Variants in NAV3 observed in about 807,000 individuals in gnomAD.
NAV3 encodes neuron navigator 3.
NAV3 carries 87 observed loss-of-function variants against 244.7 expected under a neutral mutation model. The ratio of observed to expected loss-of-function variants is 0.36; its 90% CI spans 0.30 to 0.42. The LOEUF is 0.42. Among genes scored for constraint, NAV3 ranks in the 20% least tolerant of loss-of-function variants. The probability of loss-of-function intolerance (pLI) is 1.00; values close to 1 mark genes in which losing one functional copy is unlikely to be tolerated. For synonymous variants in NAV3, 1,126 were observed against 1,042.2 expected (o/e 1.08, Z -1.55); for missense variants, 2,663 against 2,893.3 (o/e 0.92, Z 1.83).
chr12:77,990,169 C>T (rs1000332886), intron 5 of NAV3, among the ~76,000 whole-genome samples: 2 of 99,362 alleles, frequency 2.0e-5, no homozygotes, highest in Non-Finnish European at 4.0e-5. Context: ...ACAAGAATTG[C>T]CTAGGGAGAA....
At chr12:78,139,647 A>G (rs1956522369) in intron 19 of NAV3, among the ~76,000 whole-genome samples, 2 of 152,128 alleles carry the variant, frequency 1.3e-5, no homozygotes, top group African/African-American at 4.8e-5. Flanking sequence ...AGAATGTCCA[A>G]TGTTTACAGT....
chr12:77,750,864 T>C (rs1290198548), intron 2 of NAV3, among the ~76,000 whole-genome samples: 1 of 152,218 alleles, frequency 6.6e-6, no homozygotes, highest in Admixed American at 6.5e-5. Flanking sequence ...GATAATCAAT[T>C]TTCAAAGTTT....
chr12:77,936,709 C>A (rs1169980074), intron 1 of NAV3, among the ~76,000 whole-genome samples: 1 of 152,030 alleles, frequency 6.6e-6, no homozygotes, highest in African/African-American at 2.4e-5. Context: ...GAGTTCAAAT[C>A]CAATTTCAGG....
At chr12:77,728,853 C>T (rs912386293) in intron 2 of NAV3, among the ~76,000 whole-genome samples, 2 of 24,872 alleles carry the variant, frequency 8.0e-5, no homozygotes, top group Non-Finnish European at 1.3e-4. Flanking sequence ...TCCCCTTCTA[C>T]CCGCTTCACT....
chr12:77,767,005 T>G (rs1469245616), intron 2 of NAV3, among the ~76,000 whole-genome samples: 1 of 152,048 alleles, frequency 6.6e-6, no homozygotes, highest in Non-Finnish European at 1.5e-5. Flanking sequence ...CAGCCCGCCT[T>G]GGCCTCCCAG....
intron 2 of NAV3, among the ~76,000 whole-genome samples, chr12:77,747,585 C>T (rs1018540369): frequency 7.2e-5 from 11 of 152,138 alleles, no homozygotes; most frequent in African/African-American, 2.2e-4. Flanking sequence ...CATGCACATG[C>T]ATGTTTATTG....
chr12:77,577,124 A>C (rs1022982144), intron 2 of NAV3, among the ~76,000 whole-genome samples: 20 of 152,110 alleles, frequency 1.3e-4, no homozygotes, highest in African/African-American at 4.6e-4. Context: ...CATGAACATC[A>C]AGTTCCCAAA....
At chr12:77,676,083 T>A (rs1022560981) in intron 2 of NAV3, among the ~76,000 whole-genome samples, 3 of 152,120 alleles carry the variant, frequency 2.0e-5, no homozygotes, top group African/African-American at 2.4e-5. Context: ...GCTTTTTTTT[T>A]TAAATTTTTT....
chr12:77,682,004 G>A (rs1042034802), intron 2 of NAV3, among the ~76,000 whole-genome samples: 5 of 152,062 alleles, frequency 3.3e-5, no homozygotes, highest in Admixed American at 3.3e-4. Flanking sequence ...CTTAAAATCT[G>A]CTCTGGTAGC....
intron 1 of NAV3, among the ~76,000 whole-genome samples, chr12:77,915,570 T>A (rs1033693572): frequency 4.1e-5 from 6 of 147,768 alleles, no homozygotes; most frequent in Non-Finnish European, 7.6e-5. Context: ...TTAATCTAGA[T>A]AGTATATTAT....
Position 78,205,266 on chromosome 12 carries a change from T to C in NAV3, c.7038+128T>C, listed in dbSNP as rs1960172940. On this transcript the variant is annotated intron_variant, in intron 39 of 39. Coordinates refer to ENST00000397909, the MANE Select transcript of NAV3 (RefSeq NM_001024383.2). Reference sequence around the variant, plus strand: ...ATTTGGAACAGTTTTAACCCTATTATCTTTGGCCTGCTTTCCATGGATGAA... The same window carrying C: ...ATTTGGAACAGTTTTAACCCTATTACCTTTGGCCTGCTTTCCATGGATGAA... The C allele has an allele frequency of 1.3e-5, 13 of 972,890 alleles. No individual in the cohort carries two copies. The South Asian group carries it at 2.0e-4, about 15-fold the overall frequency. The allele number at this position is 972,890 out of a possible 1,614,324, so 60.3% of individuals were successfully genotyped here. A position where few individuals can be genotyped will look rare whatever the true frequency, so the allele number is the denominator to read the frequency against.
intron 1 of NAV3, among the ~76,000 whole-genome samples, chr12:77,901,063 T>A (rs373209622): frequency 6.6e-6 from 1 of 152,348 alleles, no homozygotes; most frequent in East Asian, 1.9e-4. Flanking sequence ...CTTTGCCAAC[T>A]TTTTAATGAG....
At chr12:78,076,194 C>T (rs1477382873) in intron 12 of NAV3, among the ~76,000 whole-genome samples, 3 of 152,156 alleles carry the variant, frequency 2.0e-5, no homozygotes, top group Non-Finnish European at 4.4e-5. Flanking sequence ...TGTCCACCAC[C>T]ATCCTAAAAC....
At chr12:77,895,513 G>T (rs948394895) in intron 1 of NAV3, among the ~76,000 whole-genome samples, 5 of 151,990 alleles carry the variant, frequency 3.3e-5, no homozygotes, top group South Asian at 2.1e-4. Context: ...TAAGTGTGAT[G>T]ATTAGAACCT....
intron 1 of NAV3, among the ~76,000 whole-genome samples, chr12:77,904,258 T>A (rs572695949): frequency 1.3e-5 from 2 of 152,282 alleles, no homozygotes; most frequent in South Asian, 2.1e-4. Flanking sequence ...TGTCCAACAA[T>A]GATAGACTGG....
At chr12:78,132,156 A>T (rs964557837) in intron 18 of NAV3, among the ~76,000 whole-genome samples, 1 of 152,170 alleles carries the variant, frequency 6.6e-6, no homozygotes, top group African/African-American at 2.4e-5. Flanking sequence ...TAAAAAATGA[A>T]TGGTTCTGTA....
chr12:77,827,275 T>C (rs1873110452), upstream of NAV3, among the ~76,000 whole-genome samples: 1 of 151,060 alleles, frequency 6.6e-6, no homozygotes, highest in Non-Finnish European at 1.5e-5. Context: ...ATGTGGCTTT[T>C]CTACAATTTT....
At chr12:77,961,430 A>G (rs913916656) in intron 3 of NAV3, among the ~76,000 whole-genome samples, 3 of 140,402 alleles carry the variant, frequency 2.1e-5, no homozygotes, top group African/African-American at 7.6e-5. Context: ...TTATGTATAT[A>G]CATATGTCTC....
In NAV3 at chr12:78,198,567, C is replaced by T. The variant is rs779010092; in HGVS notation, c.6447-38C>T. The T allele has an allele frequency of 5.8e-6, 7 of 1,216,970 alleles. No homozygotes were observed. In the East Asian group the frequency reaches 1.2e-4, roughly 21 times the overall value. 75.4% of individuals were successfully genotyped at this position (1,216,970 alleles called of 1,614,324 possible). A position where few individuals can be genotyped will look rare whatever the true frequency, so the allele number is the denominator to read the frequency against. Reference sequence around the variant, plus strand: ...ATTTTAATGAATTAATCACTTTTACCTCCAGTAAATTAAAATTTTCTATTT... The same window carrying T: ...ATTTTAATGAATTAATCACTTTTACTTCCAGTAAATTAAAATTTTCTATTT... On this transcript the variant is annotated intron_variant, in intron 35 of 39. Coordinates refer to ENST00000397909, the MANE Select transcript of NAV3 (RefSeq NM_001024383.2).
Sources: gnomAD v4.1 joint callset for allele counts (sites outside exome capture counted in the v4.1 genomes callset) on GRCh38, gnomAD v4.1.1 for gene constraint, MANE v1.5 for transcripts, NCBI Gene and HGNC (gene_info 2026-07-23, HGNC 2026-07-21) for gene names.